GPHN: variants seen among roughly 807,000 people sequenced by gnomAD.
GPHN encodes the protein gephyrin.
Under a neutral mutation model 95.5 loss-of-function variants are expected in GPHN, and 17 were observed. That is an observed-to-expected ratio of 0.18 (90% CI 0.12 to 0.27). GPHN has a LOEUF of 0.27. Among genes scored for constraint, GPHN ranks in the 10% least tolerant of loss-of-function variants. The pLI is 1.00. For missense variants in GPHN, 660 were observed against 978.1 expected, an observed-to-expected ratio of 0.67 and a Z score of 4.34; for synonymous variants, 320 against 322.5, an observed-to-expected ratio of 0.99 and a Z score of 0.08.
chr14:66,527,385 T>C (rs1183966806), intron 1 of GPHN, among the ~76,000 whole-genome samples: 3 of 149,026 alleles, frequency 2.0e-5, no homozygotes, highest in Non-Finnish European at 4.4e-5. Flanking sequence ...GTTTTATCTA[T>C]TTTGTTGATC....
chr14:67,725,317 T>C, the GPHN span: 2 of 1,534,944 alleles, frequency 1.3e-6, no homozygotes, highest in Non-Finnish European at 9.0e-7. Flanking sequence ...TGCTCCACCC[T>C]AGACCATCTA....
the GPHN span, among the ~76,000 whole-genome samples, chr14:67,606,298 A>G: frequency 6.6e-6 from 1 of 152,232 alleles, no homozygotes; most frequent in Non-Finnish European, 1.5e-5. Context: ...TTTCTAGAAC[A>G]GTAGAGCTTA....
chr14:67,541,756 C>T, the GPHN span: 30 of 967,086 alleles, frequency 3.1e-5, no homozygotes, highest in South Asian at 4.9e-4. Context: ...GTCCTTTGGT[C>T]CCCTCCCGTT....
intron 1 of GPHN, among the ~76,000 whole-genome samples, chr14:66,674,333 C>T (rs1261044825): frequency 6.6e-6 from 1 of 151,842 alleles, no homozygotes; most frequent in African/African-American, 2.4e-5. Flanking sequence ...CTCCTGATCT[C>T]GTGATCCACC....
intron 12 of GPHN, among the ~76,000 whole-genome samples, chr14:67,097,334 C>T (rs2077450786): frequency 6.6e-6 from 1 of 152,150 alleles, no homozygotes; most frequent in Non-Finnish European, 1.5e-5. Flanking sequence ...GGAAGTAGCA[C>T]ATGTCACGGA....
intron 2 of GPHN, among the ~76,000 whole-genome samples, chr14:66,681,602 T>G (rs1474297417): frequency 1.3e-5 from 2 of 152,160 alleles, no homozygotes; most frequent in Non-Finnish European, 2.9e-5. Context: ...AATATACATT[T>G]GAATATGTTA....
chr14:67,300,919 TG>T, the GPHN span, among the ~76,000 whole-genome samples: 1 of 152,094 alleles, frequency 6.6e-6, no homozygotes, highest in East Asian at 1.9e-4. Flanking sequence ...CTCAAACTCC[TG>T]GGCTTAAGCA....
In GPHN at chr14:67,108,712, GGTGTGTGTGTGTGTGTGT is replaced by G. The variant is rs3063159; in HGVS notation, c.1294-1404_1294-1387del. Among the ~76,000 whole-genome samples, 52 of 131,208 alleles carry G rather than the reference GGTGTGTGTGTGTGTGTGT, an allele frequency of 4.0e-4. No individual in the cohort carries two copies. In the South Asian group the frequency reaches 0.011, roughly 29 times the overall value. The allele number at this position is 131,208 out of a possible 152,430, so 86.1% of individuals were successfully genotyped here. A position where few individuals can be genotyped will look rare whatever the true frequency, so the allele number is the denominator to read the frequency against. Reference sequence around the variant, plus strand: ...TTTTTTTCTTAACCATTCCCTAAGGGGTGTGTGTGTGTGTGTGTGTGTGTGTGTGTGTGTGTGTGTGGT... The same window carrying G: ...TTTTTTTCTTAACCATTCCCTAAGGGGTGTGTGTGTGTGTGTGTGTGTGGT... On this transcript the variant is annotated intron_variant, in intron 13 of 22. Transcript: ENST00000478722.
chr14:67,595,440 T>G, the GPHN span, among the ~76,000 whole-genome samples: 27 of 152,268 alleles, frequency 1.8e-4, no homozygotes, highest in Admixed American at 1.4e-3. Flanking sequence ...ACTGAACAAT[T>G]ATAAAGTGCT....
chr14:67,499,922 G>T, the GPHN span, among the ~76,000 whole-genome samples: 3 of 152,134 alleles, frequency 2.0e-5, no homozygotes, highest in Non-Finnish European at 4.4e-5. Flanking sequence ...TGGGGGCTGC[G>T]GATTAAGGAG....
the GPHN span, chr14:67,648,346 T>C: frequency 2.2e-5 from 16 of 723,386 alleles, no homozygotes; most frequent in South Asian, 3.6e-4. Context: ...AAAAAGGATA[T>C]AGTCCTTTAG....
chr14:66,795,783 T>A (rs1009509053), intron 3 of GPHN, among the ~76,000 whole-genome samples: 2 of 152,202 alleles, frequency 1.3e-5, no homozygotes, highest in Non-Finnish European at 2.9e-5. Flanking sequence ...AATAGTCACA[T>A]CATGGAAATG....
chr14:66,975,247 G>A (rs987659078), intron 9 of GPHN, among the ~76,000 whole-genome samples: 1 of 152,122 alleles, frequency 6.6e-6, no homozygotes, highest in Non-Finnish European at 1.5e-5. Flanking sequence ...AAACAATGCT[G>A]TAGATAATCT....
chr14:66,704,963 T>C (rs1311947654), intron 2 of GPHN, among the ~76,000 whole-genome samples: 1 of 151,834 alleles, frequency 6.6e-6, no homozygotes, highest in Non-Finnish European at 1.5e-5. Flanking sequence ...ATAGACACAA[T>C]AAAAAATGAT....
intron 1 of GPHN, among the ~76,000 whole-genome samples, chr14:66,608,164 A>G (rs373890439): frequency 6.6e-6 from 1 of 151,552 alleles, no homozygotes; most frequent in Admixed American, 6.6e-5. Context: ...GTTCCATCCC[A>G]AAGATTTTGT....
chr14:66,967,489 G>C (rs2069422300), intron 9 of GPHN, among the ~76,000 whole-genome samples: 1 of 151,850 alleles, frequency 6.6e-6, no homozygotes, highest in Non-Finnish European at 1.5e-5. Context: ...TACAGGTTGA[G>C]TATCCCTAAT....
At chr14:67,049,837 A>T (rs2075225654) in intron 10 of GPHN, among the ~76,000 whole-genome samples, 1 of 152,158 alleles carries the variant, frequency 6.6e-6, no homozygotes, top group African/African-American at 2.4e-5. Flanking sequence ...TTGGCGAAGT[A>T]GCTAATTACT....
chr14:67,587,493 T>G, the GPHN span: 1 of 501,072 alleles, frequency 2.0e-6, no homozygotes, highest in Admixed American at 3.3e-5. Context: ...AGATGCTACC[T>G]GATTCTAGAC....
At chr14:67,574,498 C>T in the GPHN span, 200 of 1,015,376 alleles carry the variant, frequency 2.0e-4, 1 homozygote, top group South Asian at 1.4e-3. This position sits in a 1 kb window ranked among gnomAD's most constrained non-coding sequence, Gnocchi z 4.2. Flanking sequence ...CCCCCTTATA[C>T]GGGGCTCCTT....
Sources: allele counts gnomAD v4.1 joint callset (sites outside exome capture counted in the v4.1 genomes callset), GRCh38; gene constraint gnomAD v4.1.1; non-coding constraint Gnocchi (gnomAD v3.1); transcripts MANE v1.5; gene names NCBI Gene and HGNC (gene_info 2026-07-23, HGNC 2026-07-21).